The following TTBK2 variants were observed in gnomAD, a reference collection of about 807,000 sequenced individuals.
The protein encoded by TTBK2 is tau-tubulin kinase 2.
Under a neutral mutation model 110.8 loss-of-function variants are expected in TTBK2, and 28 were observed. The ratio of observed to expected loss-of-function variants is 0.25; its 90% CI spans 0.19 to 0.35. The LOEUF (loss-of-function observed/expected upper bound fraction) is 0.35, where lower values mean the gene tolerates loss of function less well. Among genes scored for constraint, TTBK2 ranks in the 10% least tolerant of loss-of-function variants. TTBK2 has a pLI of 1.00. For synonymous variants in TTBK2, 532 were observed against 527.3 expected, an observed-to-expected ratio of 1.01 and a Z score of -0.12; for missense variants, 1,369 against 1,500.3, an observed-to-expected ratio of 0.91 and a Z score of 1.45.
At chr15:42,899,166 T>A (rs992689514) in intron 1 of TTBK2, among the ~76,000 whole-genome samples, 2 of 149,954 alleles carry the variant, frequency 1.3e-5, no homozygotes, top group African/African-American at 4.8e-5. Context: ...CTAATTTTTT[T>A]CATATTTTTT....
In TTBK2 at chr15:42,745,878, C is replaced by T. The variant is rs772967476; in HGVS notation, c.3652G>A (p.Gly1218Arg). Residue 1218 changes from glycine to arginine, a missense_variant, in exon 15 of 15, where the codon GGA becomes AGA. By Grantham distance (125) the Gly-to-Arg change is moderately radical. Around this residue, in one of 4 missense-constraint regions of TTBK2, gnomAD observed 1,097 missense variants for 1,114.7 expected, o/e 0.98. Transcript: ENST00000267890. The part of the protein sequence containing the change: ...HCKPSKNGLK[G>R]SGSLHHHSAS... ...GAGTGGTGGTGGAGGCTGCCGGATC[C>T]TTTCAGGCCATTCTTGCTGGGTTTG... 3 of 1,614,120 alleles carry T rather than the reference C, an allele frequency of 1.9e-6. No homozygotes were observed. Among genetic ancestry groups the T allele is most frequent in the Non-Finnish European group, 8.5e-7 (1 of 1,180,032 alleles).
At chr15:42,863,659 C>T (rs1369744264) in intron 3 of TTBK2, among the ~76,000 whole-genome samples, 3 of 152,084 alleles carry the variant, frequency 2.0e-5, no homozygotes, top group African/African-American at 7.2e-5. Context: ...CAAAGCATCA[C>T]ATTACCCAAC....
At chr15:42,836,585 A>T (rs1892993761) in intron 4 of TTBK2, among the ~76,000 whole-genome samples, 1 of 152,200 alleles carries the variant, frequency 6.6e-6, no homozygotes, top group Non-Finnish European at 1.5e-5. Context: ...GAACTTGCCA[A>T]AGGCCACAAA....
intron 2 of TTBK2, among the ~76,000 whole-genome samples, 192 bp from the exon 3 acceptor site, chr15:42,872,950 C>T (rs566264165): frequency 2.0e-4 from 31 of 152,142 alleles, no homozygotes; most frequent in African/African-American, 7.0e-4. Context: ...AAAACCTTTC[C>T]CCACAGGTTT....
At chr15:42,861,171 C>T (rs1894142311) in intron 3 of TTBK2, among the ~76,000 whole-genome samples, 1 of 152,140 alleles carries the variant, frequency 6.6e-6, no homozygotes, top group Admixed American at 6.6e-5. Flanking sequence ...ACTTCAACAG[C>T]CCATTGACAG....
At chr15:42,813,470 C>A (rs191867179) in intron 7 of TTBK2, among the ~76,000 whole-genome samples, 1 of 151,756 alleles carries the variant, frequency 6.6e-6, no homozygotes, top group South Asian at 2.1e-4. Flanking sequence ...TGCAGTGAGC[C>A]GAGACCATAC....
chr15:42,836,223 ATTTCTACAACAGAGATAAGG>A (rs1271643280), intron 4 of TTBK2, among the ~76,000 whole-genome samples: 1 of 152,202 alleles, frequency 6.6e-6, no homozygotes, highest in Admixed American at 6.5e-5. Context: ...GGCAAATAGA[ATTTCTACAACAGAGATAAGG>A]TTGTTCCTTA....
rs566485869 is a variant in TTBK2 at position 42,891,559 on chromosome 15, C to T, written c.-67-12875G>A. 1.8e-4 allele frequency among the ~76,000 whole-genome samples: 27 copies of T among 152,136 alleles called. No individual in the cohort carries two copies. In the South Asian group the frequency reaches 5.6e-3, roughly 32 times the overall value. On this transcript the variant is annotated intron_variant, in intron 1 of 14. Transcript: ENST00000267890. ...AAAAAACAAACTCTGAACTACAAGG[C>T]TCAGGGAGCTTCCTGGTTGGTGAAC...
chr15:42,802,166 TGGG>T (rs751938291), intron 9 of TTBK2: 1 of 1,376,394 alleles, frequency 7.3e-7, no homozygotes, highest in African/African-American at 1.4e-5. Flanking sequence ...GCCTGGATGT[TGGG>T]GTCCACCTCC....
rs1442104895 is a variant in TTBK2 at position 42,781,849 on chromosome 15, G to T, written c.1197+1570C>A. On this transcript the variant is annotated intron_variant, in intron 11 of 14. Coordinates refer to ENST00000267890, the MANE Select transcript of TTBK2 (RefSeq NM_173500.4). ...CGGTTACCTCAGTGGGGATAGGGTA[G>T]AAGCATAAATATAGAAGGAATATGT... 5.3e-5 allele frequency among the ~76,000 whole-genome samples: 8 copies of T among 152,282 alleles called. No individual in the cohort carries two copies. The East Asian group carries it at 1.4e-3, about 26-fold the overall frequency.
intron 9 of TTBK2, 28 bp downstream of exon 9, chr15:42,810,586 A>G: frequency 2.5e-6 from 4 of 1,612,904 alleles, no homozygotes; most frequent in Non-Finnish European, 3.4e-6. Context: ...GAAAATAACT[A>G]ACCCACAGAA....
At chr15:42,746,418 A>G (rs1053270874) in intron 14 of TTBK2, among the ~76,000 whole-genome samples, 161 bp from the exon 15 acceptor site, 3 of 152,214 alleles carry the variant, frequency 2.0e-5, no homozygotes, top group African/African-American at 7.2e-5. Context: ...GACCCTGGAC[A>G]AATTCTTCAA....
intron 4 of TTBK2, among the ~76,000 whole-genome samples, chr15:42,839,112 A>C (rs577742313): frequency 2.0e-5 from 3 of 152,138 alleles, no homozygotes; most frequent in African/African-American, 7.2e-5. Flanking sequence ...TCCACCCTCA[A>C]AGTAGGCCCT....
chr15:42,774,483 T>C (rs8024266), intron 13 of TTBK2, among the ~76,000 whole-genome samples: 110,090 of 151,980 alleles, frequency 0.72, 40,820 homozygotes, highest in Middle Eastern at 0.85. Flanking sequence ...AAATAAACAA[T>C]AGTCGTTCCT....
intron 3 of TTBK2, among the ~76,000 whole-genome samples, chr15:42,844,237 A>C (rs1479442364): frequency 6.6e-6 from 1 of 152,210 alleles, no homozygotes; most frequent in Non-Finnish European, 1.5e-5. Context: ...GAATATGTGT[A>C]AATAAATGAA....
chr15:42,763,629 C>T (rs775200505), intron 13 of TTBK2, among the ~76,000 whole-genome samples: 5 of 152,118 alleles, frequency 3.3e-5, no homozygotes, highest in African/African-American at 4.8e-5. Context: ...AGTCACTATA[C>T]ATTGTATGTG....
At chr15:42,918,858 A>T (rs2031224550) in intron 1 of TTBK2, among the ~76,000 whole-genome samples, 1 of 152,222 alleles carries the variant, frequency 6.6e-6, no homozygotes, top group African/African-American at 2.4e-5. Context: ...GAATTTACTA[A>T]ATTATGTATT....
chr15:42,820,292 G>A (rs1311503375), intron 6 of TTBK2, among the ~76,000 whole-genome samples: 1 of 152,142 alleles, frequency 6.6e-6, no homozygotes, highest in Non-Finnish European at 1.5e-5. Flanking sequence ...ATTTAAAGCA[G>A]ATTATAATGA....
At chr15:42,864,644 C>T (rs1045677185) in intron 3 of TTBK2, among the ~76,000 whole-genome samples, 2 of 152,058 alleles carry the variant, frequency 1.3e-5, no homozygotes, top group East Asian at 3.9e-4. Flanking sequence ...TCTGTACCCC[C>T]CAAAATTATC....
Sources: gnomAD v4.1 joint callset for allele counts (sites outside exome capture counted in the v4.1 genomes callset) on GRCh38, gnomAD v4.1.1 for gene constraint, gnomAD v4.1.1 regional missense constraint, MANE v1.5 for transcripts, NCBI Gene and HGNC (gene_info 2026-07-23, HGNC 2026-07-21) for gene names.